C3orf52: variants seen among roughly 807,000 people sequenced by gnomAD.
C3orf52 encodes the protein chromosome 3 open reading frame 52, also known as TPA-induced transmembrane protein.
In C3orf52, 22 loss-of-function variants were observed where a neutral mutation model predicts 24.8. The observed-to-expected ratio is 0.89, with a 90% CI of 0.63 to 1.27. The LOEUF (loss-of-function observed/expected upper bound fraction) is 1.27. Among genes scored for constraint, C3orf52 ranks in the 50% most tolerant of loss-of-function variants. The pLI is 0.00. For synonymous variants in C3orf52, 93 were observed against 100.2 expected (o/e 0.93, Z 0.43); for missense variants, 265 against 260.7 (o/e 1.02, Z -0.11).
intron 3 of C3orf52, among the ~76,000 whole-genome samples, chr3:112,108,493 C>T (rs1027209920): frequency 5.9e-5 from 9 of 152,242 alleles, no homozygotes; most frequent in East Asian, 1.9e-4. Flanking sequence ...TGGAAACTCC[C>T]GCATGTCCAA....
At chr3:112,133,535 GA>G (rs1197237100), downstream of C3orf52, 6 of 173,676 alleles carry the variant, frequency 3.5e-5, no homozygotes, top group South Asian at 9.1e-4. Flanking sequence ...CAGACCTGTA[GA>G]AAATATAGTA....
At chr3:112,116,484 T>TG (rs3833597) in intron 5 of C3orf52, among the ~76,000 whole-genome samples, 158 bp from the exon 6 acceptor site, 7,376 of 152,236 alleles carry the variant, frequency 0.048, 217 homozygotes, top group South Asian at 0.1. Context: ...TGTGTGTGTG[T>TG]TGGACTGAAG....
intron 3 of C3orf52, 106 bp downstream of exon 3, chr3:112,103,071 T>C (rs1394936176): frequency 2.0e-6 from 2 of 996,828 alleles, no homozygotes; most frequent in African/African-American, 3.3e-5. Context: ...AATTTTGGAT[T>C]CTTTGTCTGG....
At position 112,093,346 on chromosome 3, in the gene C3orf52, C is replaced by G. The variant is rs765764620; in HGVS notation, c.139-14C>G. On this transcript the variant is annotated splice_polypyrimidine_tract_variant and intron_variant, in intron 1 of 5. Transcript: ENST00000264848. Reference sequence around the variant, plus strand: ...ACACAATGACTGCCTCACAATCTCCCTCTGCCTTTCTAGGCTAACAAGGAA... The same window carrying G: ...ACACAATGACTGCCTCACAATCTCCGTCTGCCTTTCTAGGCTAACAAGGAA... 223 of 1,613,342 alleles carry G rather than the reference C, an allele frequency of 1.4e-4. No individual in the cohort carries two copies. Among genetic ancestry groups the G allele is most frequent in the Admixed American group, 1.8e-4 (11 of 59,976 alleles).
At position 112,093,426 on chromosome 3, in the gene C3orf52, A is replaced by G; in HGVS notation, c.205A>G (p.Ile69Val). ...NVVGRCKLWM[I>V]ITSIFLGVIT... is the part of the protein sequence containing the mutation. ...GGTTGGAAGATGCAAACTGTGGATG[A>G]TCATCACCTCCATTTTCCTAGGTGT... The change falls in exon 2 of 6, where the codon ATC (isoleucine) becomes GTC (valine). Residue 69 changes from isoleucine to valine, a missense_variant. Ile to Val is a conservative substitution (Grantham distance 29, BLOSUM62 3). Coordinates refer to ENST00000264848, the MANE Select transcript of C3orf52 (RefSeq NM_024616.3). 6.2e-7 allele frequency: 1 copy of G among 1,613,904 alleles called. No homozygotes were observed.
chr3:112,104,118 T>A (rs1048476762), intron 3 of C3orf52, among the ~76,000 whole-genome samples: 8 of 151,924 alleles, frequency 5.3e-5, no homozygotes, highest in Admixed American at 5.2e-4. Context: ...TCAATAAGAG[T>A]CCATGACTGA....
intron 2 of C3orf52, among the ~76,000 whole-genome samples, chr3:112,095,602 A>AT (rs893569101): frequency 6.6e-5 from 10 of 152,342 alleles, no homozygotes; most frequent in Non-Finnish European, 1.2e-4. Context: ...TCAGGGAAGA[A>AT]TTTTTTTAAC....
intron 1 of C3orf52, among the ~76,000 whole-genome samples, chr3:112,092,375 T>A (rs901822639): frequency 6.6e-6 from 1 of 152,206 alleles, no homozygotes; most frequent in Non-Finnish European, 1.5e-5. Flanking sequence ...CATTGTATTC[T>A]GTTGTTTCCC....
intron 3 of C3orf52, among the ~76,000 whole-genome samples, chr3:112,106,194 T>C (rs1490535641): frequency 6.6e-6 from 1 of 152,190 alleles, no homozygotes; most frequent in Non-Finnish European, 1.5e-5. Context: ...ATTAGCTTGC[T>C]TTCCAGCCTC....
At chr3:112,123,567 C>T (rs150812382) in intron 4 of C3orf52, 13 of 1,613,960 alleles carry the variant, frequency 8.1e-6, no homozygotes, top group African/African-American at 2.7e-5. Context: ...TTCTGGGGAT[C>T]GGGCATGCCT....
chr3:112,089,821 T>TGGA (rs2107773211), intron 1 of C3orf52, among the ~76,000 whole-genome samples: 1 of 152,306 alleles, frequency 6.6e-6, no homozygotes, highest in African/African-American at 2.4e-5. Context: ...TATTTAGACC[T>TGGA]TTATCTAAAG....
intron 4 of C3orf52, 87 bp from the exon 5 acceptor site, chr3:112,112,877 A>T (rs1212513864): frequency 8.0e-6 from 2 of 249,914 alleles, no homozygotes; most frequent in East Asian, 2.5e-4. Context: ...ATGCAAAACT[A>T]AAAAAAAAAA....
At position 112,093,240 on chromosome 3, in the gene C3orf52, G is replaced by C. The variant is rs968150209; in HGVS notation, c.139-120G>C. Reference sequence around the variant, plus strand: ...CTTTTTGAAAACTTGATTCAGTAGAGTGTTGCCCTAAGGTCAGGGTCTTGC... The same window carrying C: ...CTTTTTGAAAACTTGATTCAGTAGACTGTTGCCCTAAGGTCAGGGTCTTGC... On this transcript the variant is annotated intron_variant, in intron 1 of 5. Coordinates refer to ENST00000264848, the MANE Select transcript of C3orf52 (RefSeq NM_024616.3). The C allele has an allele frequency of 5.3e-6, 5 of 952,258 alleles. No individual in the cohort carries two copies. The African/African-American group carries it at 6.7e-5, about 13-fold the overall frequency. The allele number at this position is 952,258 out of a possible 1,614,324, so 59.0% of individuals were successfully genotyped here. A position where few individuals can be genotyped will look rare whatever the true frequency, so the allele number is the denominator to read the frequency against.
At chr3:112,130,488 G>A (rs760596281), downstream of C3orf52, 15 of 1,613,808 alleles carry the variant, frequency 9.3e-6, no homozygotes, top group South Asian at 3.3e-5. Flanking sequence ...ACATTCCAAG[G>A]CATCTCTTGA....
chr3:112,133,093 T>C (rs761282596), downstream of C3orf52: 1 of 1,613,774 alleles, frequency 6.2e-7, no homozygotes, highest in Non-Finnish European at 8.5e-7. Flanking sequence ...TAGACTTACC[T>C]GTTTTCTCTC....
chr3:112,104,810 C>T (rs1302350532), intron 3 of C3orf52, among the ~76,000 whole-genome samples: 1 of 152,104 alleles, frequency 6.6e-6, no homozygotes, highest in Non-Finnish European at 1.5e-5. Flanking sequence ...TCCATCAAGT[C>T]CTTGAAGTCT....
intron 4 of C3orf52, chr3:112,128,107 A>C: frequency 6.4e-7 from 1 of 1,562,266 alleles, no homozygotes; most frequent in Non-Finnish European, 8.8e-7. Context: ...TGATTTCTGC[A>C]GCTTTGTTAA....
chr3:112,134,836 A>G (rs1295409968), downstream of C3orf52: 1 of 154,872 alleles, frequency 6.5e-6, no homozygotes, highest in Non-Finnish European at 1.5e-5. Flanking sequence ...AATACATGCA[A>G]TAACTTGGAT....
At chr3:112,128,589 GAC>G (rs1169836088) in exon 5 of C3orf52, 1 of 221,410 alleles carries the variant, frequency 4.5e-6, no homozygotes, top group African/African-American at 2.3e-5. Flanking sequence ...TCCAGTCTAT[GAC>G]ACAACATCTG....
Sources: allele counts gnomAD v4.1 joint callset (sites outside exome capture counted in the v4.1 genomes callset), GRCh38; gene constraint gnomAD v4.1.1; transcripts MANE v1.5; gene names NCBI Gene and HGNC (gene_info 2026-07-23, HGNC 2026-07-21).